Variants in SYT16 observed in about 807,000 individuals in gnomAD.
The protein encoded by SYT16 is synaptotagmin-16.
A neutral mutation model predicts 61.4 loss-of-function variants in SYT16; 42 were observed. The ratio of observed to expected loss-of-function variants is 0.68; its 90% CI spans 0.53 to 0.89. The LOEUF (loss-of-function observed/expected upper bound fraction) is 0.89, where lower values mean the gene tolerates loss of function less well. Among genes scored for constraint, SYT16 ranks in the 40% least tolerant of loss-of-function variants. SYT16 has a pLI of 0.00. For missense variants in SYT16, 804 were observed against 807.3 expected, an observed-to-expected ratio of 1.00 and a Z score of 0.05; for synonymous variants, 314 against 302.3, an observed-to-expected ratio of 1.04 and a Z score of -0.40.
intron 3 of SYT16, among the ~76,000 whole-genome samples, chr14:62,054,505 T>C (rs1229734112): frequency 1.3e-5 from 2 of 151,816 alleles, no homozygotes; most frequent in African/African-American, 4.8e-5. Context: ...GGACTACAGG[T>C]GCGTGCCACC....
intron 3 of SYT16, among the ~76,000 whole-genome samples, chr14:62,053,147 A>G (rs560474469): frequency 5.8e-4 from 89 of 152,362 alleles, no homozygotes; most frequent in Non-Finnish European, 1.1e-3. Flanking sequence ...GAAAACTCCC[A>G]TCTTCTAAGA....
At chr14:61,997,730 T>C (rs929057936) in intron 3 of SYT16, among the ~76,000 whole-genome samples, 1 of 152,084 alleles carries the variant, frequency 6.6e-6, no homozygotes, top group African/African-American at 2.4e-5. Context: ...AGCAGTAGAA[T>C]TTCTTAGATT....
At chr14:61,916,295 T>C (rs2049118660) in intron 1 of SYT16, among the ~76,000 whole-genome samples, 1 of 152,184 alleles carries the variant, frequency 6.6e-6, no homozygotes, top group Non-Finnish European at 1.5e-5. Context: ...ACATAACTTT[T>C]TATAAGGCTG....
chr14:62,018,038 TC>T (rs2053762760), intron 3 of SYT16, among the ~76,000 whole-genome samples: 2 of 152,114 alleles, frequency 1.3e-5, no homozygotes, highest in African/African-American at 4.8e-5. Flanking sequence ...CCTCCTGATT[TC>T]TCTGTATCCA....
At chr14:61,934,316 G>T (rs2049893202) in intron 1 of SYT16, among the ~76,000 whole-genome samples, 1 of 152,046 alleles carries the variant, frequency 6.6e-6, no homozygotes, top group Non-Finnish European at 1.5e-5. Flanking sequence ...AAAAGTACAT[G>T]GCAAGTCAAC....
intron 3 of SYT16, among the ~76,000 whole-genome samples, chr14:62,000,109 T>G (rs1368471713): frequency 5.2e-5 from 7 of 135,656 alleles, no homozygotes; most frequent in Non-Finnish European, 8.0e-5. Flanking sequence ...ATTTTTTTTT[T>G]TTTTTTTTTT....
chr14:61,890,424 C>T (rs1184585397), intron 1 of SYT16, among the ~76,000 whole-genome samples: 1 of 150,070 alleles, frequency 6.7e-6, no homozygotes, highest in Admixed American at 6.7e-5. Context: ...AGTGGAGGGG[C>T]TATATTTGTC....
At chr14:61,983,507 T>C (rs2052173034) in intron 2 of SYT16, among the ~76,000 whole-genome samples, 1 of 152,140 alleles carries the variant, frequency 6.6e-6, no homozygotes, top group African/African-American at 2.4e-5. Flanking sequence ...TTTGAACAAA[T>C]AATTTCAGGT....
At chr14:62,037,976 G>C (rs2054575437) in intron 3 of SYT16, among the ~76,000 whole-genome samples, 1 of 152,170 alleles carries the variant, frequency 6.6e-6, no homozygotes, top group Non-Finnish European at 1.5e-5. Flanking sequence ...CATCAGGCTT[G>C]AGCCTGGCAT....
In SYT16 at chr14:62,107,042, T is replaced by C. The variant is rs750337617; in HGVS notation, c.*6335T>C. ...TGAGAAGGCTGACTTCCTATTGTAT[T>C]GCCATATTTATGCATTATTTTTGTT... On this transcript the variant is annotated 3_prime_UTR_variant, in exon 8 of 8. Transcript: ENST00000683842. The C allele has an allele frequency of 4.0e-5, 6 of 151,802 alleles. No homozygotes were observed. Among genetic ancestry groups the C allele is most frequent in the Admixed American group, 3.3e-4 (5 of 15,212 alleles). 9.4% of individuals were successfully genotyped at this position (151,802 alleles called of 1,614,324 possible). A position where few individuals can be genotyped will look rare whatever the true frequency, so the allele number is the denominator to read the frequency against.
At chr14:61,940,453 C>G (rs1033878392) in intron 1 of SYT16, among the ~76,000 whole-genome samples, 10 of 152,108 alleles carry the variant, frequency 6.6e-5, no homozygotes, top group Admixed American at 1.3e-4. Flanking sequence ...GGCAGAATAG[C>G]AGAGTGATTA....
chr14:62,050,159 C>T (rs561654852), intron 3 of SYT16, among the ~76,000 whole-genome samples: 2 of 152,276 alleles, frequency 1.3e-5, no homozygotes, highest in South Asian at 4.1e-4. Context: ...TTCTTGGAGG[C>T]TTTGTTCGTT....
At chr14:62,062,298 A>T (rs1040923253) in intron 3 of SYT16, among the ~76,000 whole-genome samples, 16 of 152,014 alleles carry the variant, frequency 1.1e-4, no homozygotes, top group Non-Finnish European at 4.4e-5. Context: ...TCTCTATTTG[A>T]GGGGGGGATG....
intron 3 of SYT16, among the ~76,000 whole-genome samples, chr14:62,040,177 G>A (rs2140844656): frequency 6.6e-6 from 1 of 152,266 alleles, no homozygotes; most frequent in Non-Finnish European, 1.5e-5. Context: ...AAGTCCTGAG[G>A]CTGGTTATCA....
intron 5 of SYT16, among the ~76,000 whole-genome samples, chr14:62,078,500 G>A (rs1193529093): frequency 6.6e-6 from 1 of 152,162 alleles, no homozygotes; most frequent in Non-Finnish European, 1.5e-5. Context: ...ATGTTTCTTA[G>A]TTGGGTTCCT....
intron 2 of SYT16, among the ~76,000 whole-genome samples, chr14:61,973,009 G>T (rs998368499): frequency 6.6e-6 from 1 of 152,088 alleles, no homozygotes; most frequent in African/African-American, 2.4e-5. Flanking sequence ...CCTACTCTTA[G>T]ATTAAACCAT....
At chr14:61,986,012 A>T (rs1032668189) in intron 2 of SYT16, among the ~76,000 whole-genome samples, 1 of 152,222 alleles carries the variant, frequency 6.6e-6, no homozygotes, top group African/African-American at 2.4e-5. Context: ...TACCAAGTGT[A>T]ATTCTATCAT....
intron 2 of SYT16, among the ~76,000 whole-genome samples, chr14:61,995,070 C>T (rs574564136): frequency 4.6e-5 from 7 of 152,200 alleles, no homozygotes; most frequent in African/African-American, 1.4e-4. Flanking sequence ...AATATACACA[C>T]ATATGTGTAT....
At position 62,106,240 on chromosome 14, in the gene SYT16, A is replaced by G. The variant is rs779210750; in HGVS notation, c.*5533A>G. 6.6e-6 allele frequency: 1 copy of G among 152,238 alleles called. No individual in the cohort carries two copies. Among genetic ancestry groups the G allele is most frequent in the South Asian group, 2.1e-4 (1 of 4,828 alleles). 9.4% of individuals were successfully genotyped at this position (152,238 alleles called of 1,614,324 possible). Reference sequence around the variant, plus strand: ...CACATTGAAGCAGTTGGTCATCATTATACAATGATGCTTACCAATATACAA... The same window carrying G: ...CACATTGAAGCAGTTGGTCATCATTGTACAATGATGCTTACCAATATACAA... On this transcript the variant is annotated 3_prime_UTR_variant, in exon 8 of 8. Coordinates refer to ENST00000683842, the MANE Select transcript of SYT16 (RefSeq NM_001367656.1).
Sources: allele counts gnomAD v4.1 joint callset (sites outside exome capture counted in the v4.1 genomes callset), GRCh38; gene constraint gnomAD v4.1.1; transcripts MANE v1.5; gene names NCBI Gene and HGNC (gene_info 2026-07-23, HGNC 2026-07-21).